Variants in ADAM19 observed in about 807,000 individuals in gnomAD.
ADAM19 encodes disintegrin and metalloproteinase domain-containing protein 19.
In ADAM19, 65 loss-of-function variants were observed where a neutral mutation model predicts 114.7. The observed-to-expected ratio is 0.57, with a 90% CI of 0.46 to 0.70. The LOEUF (loss-of-function observed/expected upper bound fraction) is 0.70, where lower values mean the gene tolerates loss of function less well. Among genes scored for constraint, ADAM19 ranks in the 30% least tolerant of loss-of-function variants. ADAM19 has a pLI of 0.00. For missense variants in ADAM19, 1,063 were observed against 1,204.7 expected, an observed-to-expected ratio of 0.88 and a Z score of 1.74; for synonymous variants, 466 against 460.5, an observed-to-expected ratio of 1.01 and a Z score of -0.15.
intron 21 of ADAM19, among the ~76,000 whole-genome samples, chr5:157,485,678 C>T (rs1433603873): frequency 6.6e-6 from 1 of 152,216 alleles, no homozygotes; most frequent in Non-Finnish European, 1.5e-5. Context: ...CCACAGGGCC[C>T]TCTCCCATGA....
intron 8 of ADAM19, among the ~76,000 whole-genome samples, chr5:157,511,522 A>G (rs1296375894): frequency 6.6e-6 from 1 of 152,236 alleles, no homozygotes; most frequent in Admixed American, 6.5e-5. Context: ...ATTCAGTGAA[A>G]TATCAGTTTA....
At chr5:157,562,069 T>C (rs1757523897) in intron 3 of ADAM19, among the ~76,000 whole-genome samples, 1 of 151,934 alleles carries the variant, frequency 6.6e-6, no homozygotes. Flanking sequence ...TAGAAAATCA[T>C]CTCCCCCGCT....
chr5:157,514,673 AT>A lies in ADAM19; in HGVS notation c.667-1169del, dbSNP rs527918794. Reference sequence around the variant, plus strand: ...AGCACAGGAAAGAAAGCTGTGTTCCATTAGAAATATCTGCCATGGGTACCAG... The same window carrying A: ...AGCACAGGAAAGAAAGCTGTGTTCCATAGAAATATCTGCCATGGGTACCAG... On this transcript the variant is annotated intron_variant, in intron 7 of 22. Coordinates refer to ENST00000257527, the MANE Select transcript of ADAM19 (RefSeq NM_033274.5). 3.7e-3 allele frequency among the ~76,000 whole-genome samples: 556 copies of A among 152,040 alleles called. 5 individuals are homozygous for A. The highest frequency in any genetic ancestry group is 0.013 in the African/African-American group (521 of 41,462).
intron 1 of ADAM19, 96 bp downstream of exon 1, chr5:157,575,507 G>A: frequency 1.1e-6 from 1 of 909,230 alleles, no homozygotes; most frequent in Non-Finnish European, 1.5e-6. Context: ...AGTTGCGGGA[G>A]GCGCAGGGGT....
intron 5 of ADAM19, among the ~76,000 whole-genome samples, chr5:157,525,191 C>T (rs906919627): frequency 4.6e-5 from 7 of 152,172 alleles, no homozygotes; most frequent in Non-Finnish European, 8.8e-5. Context: ...ATAACACTGT[C>T]CTCTGAGGGC....
intron 3 of ADAM19, among the ~76,000 whole-genome samples, chr5:157,550,394 C>G (rs1032965039): frequency 2.0e-5 from 3 of 152,138 alleles, no homozygotes; most frequent in Admixed American, 2.0e-4. Context: ...GGATTAGAGA[C>G]CTGCCATACT....
chr5:157,497,932 A>G (rs1024507287), intron 13 of ADAM19, among the ~76,000 whole-genome samples: 1 of 152,234 alleles, frequency 6.6e-6, no homozygotes, highest in Non-Finnish European at 1.5e-5. Flanking sequence ...TCAGTCTTGG[A>G]CACCAGGGAA....
chr5:157,489,137 T>C lies in ADAM19; in HGVS notation c.2290A>G (p.Thr764Ala), dbSNP rs767890396. ...QNSGTGHANP[T>A]FKLQTPQGKR... The stretch of plus-strand genomic sequence containing the variant: ...CCCTGGGGCGTCTGCAGCTTGAAAG[T>C]TGGGTTGGCATGACCAGTCCCGCTG... The change falls in exon 20 of 23, where the codon ACT becomes GCT. Residue 764 changes from threonine to alanine, a missense_variant. This residue lies in a region of ADAM19 where 424 missense variants were observed against 445.5 expected (regional missense o/e 0.95). Transcript: ENST00000257527. The C allele has an allele frequency of 2.5e-6, 4 of 1,614,132 alleles. No homozygotes were observed. The highest frequency in any genetic ancestry group is 1.1e-5 in the South Asian group (1 of 91,072).
chr5:157,522,762 G>A (rs1322833052), intron 5 of ADAM19, among the ~76,000 whole-genome samples: 1 of 152,080 alleles, frequency 6.6e-6, no homozygotes. Flanking sequence ...CTCCAGCCTG[G>A]GCGACAGAGC....
chr5:157,561,437 T>C (rs1290677886), intron 3 of ADAM19, among the ~76,000 whole-genome samples: 1 of 152,090 alleles, frequency 6.6e-6, no homozygotes, highest in East Asian at 1.9e-4. Context: ...GGCAGGATGA[T>C]GAAAAAGAAA....
At chr5:157,549,735 C>T (rs564030661) in intron 3 of ADAM19, among the ~76,000 whole-genome samples, 49 of 152,306 alleles carry the variant, frequency 3.2e-4, no homozygotes, top group African/African-American at 1.2e-3. Context: ...TAAGAATATC[C>T]TGTTTTCATG....
intron 4 of ADAM19, among the ~76,000 whole-genome samples, chr5:157,534,413 A>G (rs185326800): frequency 3.3e-4 from 51 of 152,348 alleles, no homozygotes; most frequent in Middle Eastern, 3.4e-3. Flanking sequence ...GGTTGCATTG[A>G]GTCAAGATTA....
At chr5:157,554,058 A>C (rs1383764480) in intron 3 of ADAM19, among the ~76,000 whole-genome samples, 2 of 152,224 alleles carry the variant, frequency 1.3e-5, no homozygotes, top group Admixed American at 6.5e-5. Context: ...CCAAGAATAC[A>C]CTATGACCTC....
intron 7 of ADAM19, among the ~76,000 whole-genome samples, chr5:157,515,481 T>C (rs1037830237): frequency 2.6e-5 from 4 of 152,226 alleles, no homozygotes; most frequent in African/African-American, 9.6e-5. Context: ...CCCCATAGTC[T>C]CTGCTACAAC....
intron 12 of ADAM19, among the ~76,000 whole-genome samples, chr5:157,501,823 T>G (rs1056624609): frequency 6.6e-6 from 1 of 151,524 alleles, no homozygotes; most frequent in South Asian, 2.1e-4. Flanking sequence ...CCGAGGTGGG[T>G]GGATCATCTG....
intron 4 of ADAM19, among the ~76,000 whole-genome samples, chr5:157,535,626 G>A (rs1756741323): frequency 6.6e-6 from 1 of 152,224 alleles, no homozygotes; most frequent in East Asian, 1.9e-4. Context: ...TTCTGGGAGA[G>A]GGGGAGTTCT....
chr5:157,544,075 G>A (rs570218273), intron 3 of ADAM19, among the ~76,000 whole-genome samples: 1 of 152,318 alleles, frequency 6.6e-6, no homozygotes, highest in South Asian at 2.1e-4. Context: ...GGACTGATGA[G>A]TCCAGGGGGC....
chr5:157,539,267 CT>C (rs917212871), intron 3 of ADAM19, among the ~76,000 whole-genome samples: 4 of 150,518 alleles, frequency 2.7e-5, no homozygotes, highest in African/African-American at 1.0e-4. Context: ...AGTTGGTTGA[CT>C]TTTAAATTAA....
chr5:157,556,209 C>CTTTTTTTTTTTTTTTTTT (rs68078503), intron 3 of ADAM19, among the ~76,000 whole-genome samples: 54 of 66,316 alleles, frequency 8.1e-4, no homozygotes, highest in East Asian at 2.8e-3. Flanking sequence ...TTTTCTTTTT[C>CTTTTTTTTTTTTTTTTTT]TTTTTTTTTT....
Sources: gnomAD v4.1 joint callset for allele counts (sites outside exome capture counted in the v4.1 genomes callset) on GRCh38, gnomAD v4.1.1 for gene constraint, gnomAD v4.1.1 regional missense constraint, MANE v1.5 for transcripts, NCBI Gene and HGNC (gene_info 2026-07-23, HGNC 2026-07-21) for gene names.